Variants in PDGFRL observed in about 807,000 individuals in gnomAD.
PDGFRL encodes the protein platelet-derived growth factor receptor-like protein.
PDGFRL carries 46 observed loss-of-function variants against 37.2 expected under a neutral mutation model. That is an observed-to-expected ratio of 1.24 (90% confidence interval 0.98 to 1.58). PDGFRL has a LOEUF of 1.58. Among genes scored for constraint, PDGFRL ranks in the 40% most tolerant of loss-of-function variants. The pLI, the probability that PDGFRL is intolerant of heterozygous loss-of-function variation, is 0.00. For missense variants in PDGFRL, 692 were observed against 467.6 expected (o/e 1.48, Z -4.43); for synonymous variants, 251 against 184.3 (o/e 1.36, Z -2.93).
intron 4 of PDGFRL, among the ~76,000 whole-genome samples, chr8:17,631,391 CGA>C (rs2129815048): frequency 6.6e-6 from 1 of 152,208 alleles, no homozygotes; most frequent in Non-Finnish European, 1.5e-5. Flanking sequence ...TCAGTAGCCC[CGA>C]GAGTGAGCTG....
rs145384709 is a variant in PDGFRL, at chr8:17,590,541, G to A, written c.353+776G>A. 1.9e-4 allele frequency among the ~76,000 whole-genome samples: 29 copies of A among 151,886 alleles called. No individual in the cohort carries two copies. In the East Asian group the frequency reaches 4.9e-3, roughly 26 times the overall value. On this transcript the variant is annotated intron_variant, in intron 2 of 5. Coordinates refer to ENST00000251630, the MANE Select transcript of PDGFRL (RefSeq NM_001372073.1). ...AGCCTGGCCAACATGGTGAAACCCC[G>A]TCTCTACAAGAAATATAAATTAGCC...
At chr8:17,618,805 C>G (rs2588112) in intron 2 of PDGFRL, among the ~76,000 whole-genome samples, 39,135 of 152,064 alleles carry the variant, frequency 0.26, 5,486 homozygotes, top group African/African-American at 0.37. Flanking sequence ...GTTCCTGCCT[C>G]AAAGCTTGTA....
At chr8:17,604,891 A>G (rs1163505489) in intron 2 of PDGFRL, among the ~76,000 whole-genome samples, 1 of 152,102 alleles carries the variant, frequency 6.6e-6, no homozygotes, top group African/African-American at 2.4e-5. Context: ...AGGCGGGTGA[A>G]TCACTTGAGC....
In PDGFRL at chr8:17,638,165, T is replaced by C. The variant is rs139385035; in HGVS notation, c.939+3952T>C. ...GTCTATTTGTGCTCTTTCAGACTTT[T>C]TGATGTAGTCATTTAATGCTATGAA... On this transcript the variant is annotated intron_variant, in intron 5 of 5. Coordinates refer to ENST00000251630, the MANE Select transcript of PDGFRL (RefSeq NM_001372073.1). Among the ~76,000 whole-genome samples, 620 of 152,316 alleles carry C rather than the reference T, an allele frequency of 4.1e-3. 2 individuals are homozygous for C. The highest frequency in any genetic ancestry group is 0.014 in the African/African-American group (583 of 41,570).
intron 2 of PDGFRL, among the ~76,000 whole-genome samples, chr8:17,615,180 A>G (rs3780105): frequency 0.62 from 93,812 of 152,056 alleles, 29,648 homozygotes; most frequent in East Asian, 0.74. Context: ...TGGGTGTCCC[A>G]TTCTTGTTTC....
Position 17,628,638 on chromosome 8 carries a change from T to C in PDGFRL, c.657T>C (p.Asn219=). 6.2e-7 allele frequency: 1 copy of C among 1,614,206 alleles called. No homozygotes were observed. The highest frequency in any genetic ancestry group is 2.2e-5 in the East Asian group (1 of 44,856). ...TCCCAGCCAAGGAGATCCCAGCCAA[T>C]GGAACGGACATTGTTTATGACATGA... ...REFPAKEIPA[N]GTDIVYDMKR... is the part of the protein sequence containing the mutation. Residue 219 remains asparagine, a synonymous_variant, in exon 4 of 6, where the codon AAT becomes AAC. Coordinates refer to ENST00000251630, the MANE Select transcript of PDGFRL (RefSeq NM_001372073.1).
upstream of PDGFRL, among the ~76,000 whole-genome samples, chr8:17,576,972 G>T (rs1045783396): frequency 6.6e-6 from 1 of 151,310 alleles, no homozygotes; most frequent in African/African-American, 2.4e-5. Context: ...TTCAAGGAAT[G>T]GCTGTTGTAA....
intron 2 of PDGFRL, among the ~76,000 whole-genome samples, chr8:17,607,169 G>A (rs1405149881): frequency 6.6e-6 from 1 of 152,054 alleles, no homozygotes. Context: ...TTCGTTTTAA[G>A]AAACGTTTTA....
intron 2 of PDGFRL, among the ~76,000 whole-genome samples, chr8:17,613,538 C>G (rs984284306): frequency 3.9e-5 from 6 of 152,118 alleles, no homozygotes; most frequent in Non-Finnish European, 8.8e-5. Flanking sequence ...CGTGTGCAGT[C>G]TCCCGTGAAG....
At chr8:17,624,458 C>T (rs1804693852) in intron 3 of PDGFRL, among the ~76,000 whole-genome samples, 1 of 152,150 alleles carries the variant, frequency 6.6e-6, no homozygotes, top group Non-Finnish European at 1.5e-5. Context: ...GAAAAACATT[C>T]AAATTCTCAG....
Position 17,616,702 on chromosome 8 carries a change from G to C in PDGFRL, c.354-4349G>C, listed in dbSNP as rs1425738557. ...GAGGCTCTTGCTGGTTACTCTCCTC[G>C]GAGTTCTCATGGCATGTTGTGTAGG... is the stretch of plus-strand genomic sequence containing the variant. On this transcript the variant is annotated intron_variant, in intron 2 of 5. Transcript: ENST00000251630. Among the ~76,000 whole-genome samples the C allele has an allele frequency of 3.9e-5, 6 of 152,146 alleles. No individual in the cohort carries two copies. The East Asian group carries it at 1.2e-3, about 29-fold the overall frequency.
intron 2 of PDGFRL, among the ~76,000 whole-genome samples, chr8:17,599,927 C>A (rs1388717323): frequency 6.6e-6 from 1 of 152,072 alleles, no homozygotes; most frequent in Non-Finnish European, 1.5e-5. Context: ...TTCAATACAT[C>A]ACTTACTGCC....
intron 5 of PDGFRL, among the ~76,000 whole-genome samples, chr8:17,636,456 G>C (rs1420538921): frequency 6.6e-6 from 1 of 152,020 alleles, no homozygotes; most frequent in Non-Finnish European, 1.5e-5. Flanking sequence ...TCTCTATTCT[G>C]TTCCACTGGT....
chr8:17,580,543 T>C lies in PDGFRL; in HGVS notation c.55+3236T>C, dbSNP rs1803684521. Among the ~76,000 whole-genome samples, 3 of 152,118 alleles carry C rather than the reference T, an allele frequency of 2.0e-5. No individual in the cohort carries two copies. The South Asian group carries it at 6.2e-4, about 32-fold the overall frequency. ...TCTGGTGGTCAGAGGACTGATGGTT[T>C]TCAAACCTAGACAAGGTTTTAAAAC... On this transcript the variant is annotated intron_variant, in intron 1 of 5. Coordinates refer to ENST00000251630, the MANE Select transcript of PDGFRL (RefSeq NM_001372073.1).
In PDGFRL at chr8:17,628,733, G is replaced by A. The variant is rs771896763; in HGVS notation, c.752G>A (p.Gly251Glu). The A allele has an allele frequency of 1.9e-6, 3 of 1,614,068 alleles. No individual in the cohort carries two copies. The highest frequency in any genetic ancestry group is 1.7e-5 in the Admixed American group (1 of 60,024). Residue 251 changes from glycine to glutamate, a missense_variant, in exon 4 of 6, where the codon GGG becomes GAG. Coordinates refer to ENST00000251630, the MANE Select transcript of PDGFRL (RefSeq NM_001372073.1). Reference protein sequence around the residue: ...QGVVYCRAEAGGRSQISVKYQ... With the variant: ...QGVVYCRAEAEGRSQISVKYQ... ...GTGGTTTACTGCAGGGCGGAGGCCG[G>A]GGGCAGATCTCAGATCTCCGTCAAG...
At chr8:17,618,544 C>G (rs577716395) in intron 2 of PDGFRL, among the ~76,000 whole-genome samples, 13 of 152,254 alleles carry the variant, frequency 8.5e-5, no homozygotes, top group African/African-American at 3.1e-4. Flanking sequence ...GAGTGGTATT[C>G]AGAACATACT....
At chr8:17,612,980 A>C (rs1804452714) in intron 2 of PDGFRL, among the ~76,000 whole-genome samples, 1 of 152,216 alleles carries the variant, frequency 6.6e-6, no homozygotes, top group East Asian at 1.9e-4. Context: ...TAAAATTATC[A>C]AAATATTCAA....
chr8:17,635,549 C>A (rs1469469392), intron 5 of PDGFRL, among the ~76,000 whole-genome samples: 1 of 152,142 alleles, frequency 6.6e-6, no homozygotes, highest in African/African-American at 2.4e-5. Context: ...TGAGCTGGTT[C>A]CATATTTTTG....
At chr8:17,616,568 C>A (rs537468887) in intron 2 of PDGFRL, among the ~76,000 whole-genome samples, 3 of 152,168 alleles carry the variant, frequency 2.0e-5, no homozygotes, top group Non-Finnish European at 2.9e-5. Flanking sequence ...CTTTGTTCTG[C>A]ACAAACTTGC....
Sources: allele counts gnomAD v4.1 joint callset (sites outside exome capture counted in the v4.1 genomes callset), GRCh38; gene constraint gnomAD v4.1.1; transcripts MANE v1.5; gene names NCBI Gene and HGNC (gene_info 2026-07-23, HGNC 2026-07-21).